The following PRH1 variants were observed in gnomAD, a reference collection of about 807,000 sequenced individuals.
PRH1 encodes salivary acidic proline-rich phosphoprotein 1/2.
A neutral mutation model predicts 7.9 loss-of-function variants in PRH1; 7 were observed. That is an observed-to-expected ratio of 0.89 (90% CI 0.50 to 1.67). The LOEUF is 1.67. PRH1 is among the 40% of genes most tolerant of loss of function. The pLI, the probability that PRH1 is intolerant of heterozygous loss-of-function variation, is 0.00. For synonymous variants in PRH1, 45 were observed against 80.8 expected, an observed-to-expected ratio of 0.56 and a Z score of 2.38; for missense variants, 109 against 223.6, an observed-to-expected ratio of 0.49 and a Z score of 3.27.
chr12:11,134,841 C>A (rs547279901), intron 1 of PRH1, among the ~76,000 whole-genome samples: 1 of 152,134 alleles, frequency 6.6e-6, no homozygotes, highest in Admixed American at 6.6e-5. Flanking sequence ...CAGGCCAATA[C>A]TCCATAAGAT....
intron 2 of PRH1, chr12:10,908,371 T>G: frequency 6.3e-7 from 1 of 1,599,280 alleles, no homozygotes; most frequent in Non-Finnish European, 8.5e-7. Context: ...GAATGGCTTA[T>G]GAAATTGTGA....
chr12:11,147,517 T>C (rs1387134835), intron 1 of PRH1, among the ~76,000 whole-genome samples: 1 of 152,180 alleles, frequency 6.6e-6, no homozygotes, highest in Non-Finnish European at 1.5e-5. Flanking sequence ...CATATTGTAA[T>C]TTACTGTTGG....
intron 1 of PRH1, among the ~76,000 whole-genome samples, chr12:11,099,106 C>A (rs2600334): frequency 0.46 from 69,138 of 151,938 alleles, 16,536 homozygotes; most frequent in Non-Finnish European, 0.53. Context: ...TTTGGTATAT[C>A]ATCTTGCAGT....
intron 1 of PRH1, chr12:11,171,280 C>T (rs146252813): frequency 0.016 from 16,217 of 990,532 alleles, 150 homozygotes; most frequent in South Asian, 0.032. Context: ...CCTGCCGGTC[C>T]CAGCCGTCGC....
chr12:11,089,954 T>C (rs1476922955), intron 1 of PRH1, among the ~76,000 whole-genome samples: 1,362 of 83,958 alleles, frequency 0.016, 3 homozygotes, highest in Non-Finnish European at 0.022. Flanking sequence ...AAGCCTGTAA[T>C]CTTAACCTGA....
intron 2 of PRH1, among the ~76,000 whole-genome samples, chr12:10,934,849 T>C (rs892929920): frequency 6.6e-6 from 1 of 152,196 alleles, no homozygotes; most frequent in South Asian, 2.1e-4. Flanking sequence ...CTCTGCATCA[T>C]TGTGCATGTT....
At chr12:10,947,746 GT>G in intron 2 of PRH1, among the ~76,000 whole-genome samples, 1 of 151,668 alleles carries the variant, frequency 6.6e-6, no homozygotes, top group Non-Finnish European at 1.5e-5. Context: ...GTGTTTCAGG[GT>G]TTTTTTTATT....
rs373768878 is a variant in PRH1 at position 10,997,662 on chromosome 12, T to A, written c.-125-23941A>T. 17 of 1,613,564 alleles carry A rather than the reference T, an allele frequency of 1.1e-5. No homozygotes were observed. The African/African-American group carries it at 2.3e-4, about 22-fold the overall frequency. ...ACTTTTAAATTAGATGAAGTTGGAT[T>A]CAACACAGTTGAATACCAATGTAAT... is the stretch of plus-strand genomic sequence containing the variant. On this transcript the variant is annotated intron_variant, in intron 1 of 3. Coordinates refer to the PRH1 transcript ENST00000539853.
At position 10,903,931 on chromosome 12, in the gene PRH1, C is replaced by CAAAAAAAAAAAAAAAAAAAAAAAAAAAA. The variant is rs546066515; in HGVS notation, c.-58-19657_-58-19656insTTTTTTTTTTTTTTTTTTTTTTTTTTTT. 3.8e-3 allele frequency among the ~76,000 whole-genome samples: 119 copies of CAAAAAAAAAAAAAAAAAAAAAAAAAAAA among 31,090 alleles called. 15 individuals are homozygous for CAAAAAAAAAAAAAAAAAAAAAAAAAAAA. Among genetic ancestry groups the CAAAAAAAAAAAAAAAAAAAAAAAAAAAA allele is most frequent in the Middle Eastern group, 0.045 (1 of 22 alleles). The allele number at this position is 31,090 out of a possible 152,430, so 20.4% of individuals were successfully genotyped here. On this transcript the variant is annotated intron_variant, in intron 2 of 3. Coordinates refer to the PRH1 transcript ENST00000539853. The stretch of plus-strand genomic sequence containing the variant: ...AATGCAATCCCATTTACAATAGCCT[C>CAAAAAAAAAAAAAAAAAAAAAAAAAAAA]AAAAAAAAAAAAAAAAAAAAAAACA...
chr12:11,125,006 C>T (rs529829359), intron 1 of PRH1, among the ~76,000 whole-genome samples: 3 of 152,132 alleles, frequency 2.0e-5, no homozygotes, highest in Admixed American at 2.0e-4. Context: ...TCACGCCCAG[C>T]TAATTTTTGT....
intron 2 of PRH1, among the ~76,000 whole-genome samples, chr12:10,940,199 A>G (rs1004678250): frequency 6.6e-6 from 1 of 152,188 alleles, no homozygotes; most frequent in Non-Finnish European, 1.5e-5. Flanking sequence ...TTACAAGTAC[A>G]TGCCCAGCAA....
chr12:11,076,418 T>TGTATG (rs1555158459), intron 1 of PRH1, among the ~76,000 whole-genome samples: 1 of 132,424 alleles, frequency 7.6e-6, no homozygotes. Flanking sequence ...CTATACTCTC[T>TGTATG]TTGGGACTTT....
At chr12:10,913,535 T>G (rs1288834464) in intron 2 of PRH1, among the ~76,000 whole-genome samples, 2 of 152,252 alleles carry the variant, frequency 1.3e-5, no homozygotes, top group Admixed American at 6.5e-5. Flanking sequence ...GTGATTTTTC[T>G]AAATTTTACT....
At chr12:11,155,278 T>C (rs980902609) in intron 1 of PRH1, among the ~76,000 whole-genome samples, 6 of 152,186 alleles carry the variant, frequency 3.9e-5, no homozygotes, top group African/African-American at 1.4e-4. Context: ...CCTAAATCTC[T>C]GCTCAAAAAA....
chr12:10,909,178 G>T lies in PRH1; in HGVS notation c.-58-24903C>A, dbSNP rs376152400. The T allele has an allele frequency of 3.1e-6, 5 of 1,613,786 alleles. No individual in the cohort carries two copies. In the African/African-American group the frequency reaches 6.7e-5, roughly 22 times the overall value. ...ATGAGGAGTTTATCGACTGAGGACA[G>T]CTCTCTTTTACTGACCCAGTCAATG... On this transcript the variant is annotated intron_variant, in intron 2 of 3. Coordinates refer to the PRH1 transcript ENST00000539853.
At chr12:11,106,269 C>T (rs916755581) in intron 1 of PRH1, among the ~76,000 whole-genome samples, 6 of 152,218 alleles carry the variant, frequency 3.9e-5, no homozygotes, top group African/African-American at 7.2e-5. Context: ...CTCATTAATA[C>T]AAACACACTC....
intron 1 of PRH1, among the ~76,000 whole-genome samples, chr12:11,128,740 G>C (rs182248089): frequency 6.6e-6 from 1 of 151,492 alleles, no homozygotes; most frequent in African/African-American, 2.4e-5. Flanking sequence ...GCGAGACTCC[G>C]TATCAAAATA....
intron 1 of PRH1, among the ~76,000 whole-genome samples, chr12:11,060,743 T>G (rs1943560721): frequency 6.6e-6 from 1 of 152,172 alleles, no homozygotes; most frequent in Non-Finnish European, 1.5e-5. Context: ...TACATATGCT[T>G]GTCACTCAAA....
intron 1 of PRH1, among the ~76,000 whole-genome samples, chr12:11,160,566 G>A (rs571570693): frequency 1.7e-3 from 253 of 152,262 alleles, no homozygotes; most frequent in Non-Finnish European, 2.9e-3. Context: ...CGCCTCCCAG[G>A]TTCAAGCGAT....
Sources: allele counts gnomAD v4.1 joint callset (sites outside exome capture counted in the v4.1 genomes callset), GRCh38; gene constraint gnomAD v4.1.1; transcripts MANE v1.5; gene names NCBI Gene and HGNC (gene_info 2026-07-23, HGNC 2026-07-21).